NDUFB8: variants seen among roughly 807,000 people sequenced by gnomAD.
NDUFB8 encodes the protein NADH:ubiquinone oxidoreductase subunit B8, also known as NADH dehydrogenase [ubiquinone] 1 beta subcomplex subunit 8, mitochondrial.
Under a neutral mutation model 26.0 loss-of-function variants are expected in NDUFB8, and 17 were observed. That is an observed-to-expected ratio of 0.65 (90% CI 0.45 to 0.98). The LOEUF is 0.98. NDUFB8 is among the 50% of genes least tolerant of loss of function. The pLI, the probability that NDUFB8 is intolerant of heterozygous loss-of-function variation, is 0.00. For synonymous variants in NDUFB8, 89 were observed against 93.1 expected, an observed-to-expected ratio of 0.96 and a Z score of 0.25; for missense variants, 238 against 255.0, an observed-to-expected ratio of 0.93 and a Z score of 0.45.
At chr10:100,525,413 T>C (rs1375535669) in intron 4 of NDUFB8, among the ~76,000 whole-genome samples, 3 of 152,018 alleles carry the variant, frequency 2.0e-5, no homozygotes, top group African/African-American at 7.3e-5. Flanking sequence ...CGCACCACCA[T>C]GCCTGGCTAA....
At chr10:100,525,140 G>A (rs1355774884) in intron 4 of NDUFB8, among the ~76,000 whole-genome samples, 1 of 152,116 alleles carries the variant, frequency 6.6e-6, no homozygotes, top group African/African-American at 2.4e-5. Flanking sequence ...CCAAGAAGTG[G>A]GGCCTGGGAA....
At chr10:100,528,809 G>A (rs1445446302) in intron 2 of NDUFB8, among the ~76,000 whole-genome samples, 1 of 152,176 alleles carries the variant, frequency 6.6e-6, no homozygotes, top group Admixed American at 6.5e-5. Flanking sequence ...ATTAACCATT[G>A]GGATGTTATG....
At chr10:100,527,636 C>T (rs972617673) in intron 2 of NDUFB8, among the ~76,000 whole-genome samples, 1 of 151,964 alleles carries the variant, frequency 6.6e-6, no homozygotes, top group African/African-American at 2.4e-5. Flanking sequence ...ACCCAGCTTC[C>T]CCAAACTTCT....
intron 1 of NDUFB8, 35 bp downstream of exon 1, chr10:100,529,732 C>T: frequency 6.2e-7 from 1 of 1,603,870 alleles, no homozygotes; most frequent in Non-Finnish European, 8.5e-7. Flanking sequence ...CAGGTACCCC[C>T]TTCCCACACT....
intron 2 of NDUFB8, among the ~76,000 whole-genome samples, chr10:100,527,433 C>T (rs1461072777): frequency 6.6e-6 from 1 of 152,024 alleles, no homozygotes; most frequent in African/African-American, 2.4e-5. Flanking sequence ...TGAAACCCCA[C>T]CTTTACTAAA....
rs958636477 is a variant in NDUFB8 at position 100,526,860 on chromosome 10, G to A, written c.312+115C>T. 19 of 992,242 alleles carry A rather than the reference G, an allele frequency of 1.9e-5. No homozygotes were observed. In the Admixed American group the frequency reaches 2.1e-4, roughly 11 times the overall value. 61.5% of individuals were successfully genotyped at this position (992,242 alleles called of 1,614,324 possible). The stretch of plus-strand genomic sequence containing the variant: ...CTCAGATCTCACATCACTGGACCTT[G>A]CTTCCTTGAGCAGGAAAGCTTAGTG... On this transcript the variant is annotated intron_variant, in intron 3 of 4. Transcript: ENST00000299166.
chr10:100,524,078 C>G lies in NDUFB8; in HGVS notation c.469-149G>C, dbSNP rs912319450. On this transcript the variant is annotated intron_variant, in intron 4 of 4. Coordinates refer to ENST00000299166, the MANE Select transcript of NDUFB8 (RefSeq NM_005004.4). The surrounding 1 kb of genome is among the most constrained non-coding windows in gnomAD (Gnocchi z 4.0). The stretch of plus-strand genomic sequence containing the variant: ...GGCTAGGAAGGCAGGAACAGCACTC[C>G]TCTTCCTCACTCAGCCCAAGGCAGA... The G allele has an allele frequency of 7.0e-6, 11 of 1,578,484 alleles. No homozygotes were observed. Among genetic ancestry groups the G allele is most frequent in the African/African-American group, 5.4e-5 (4 of 74,110 alleles).
intron 1 of NDUFB8, 52 bp downstream of exon 1, chr10:100,529,715 C>A (rs1391496632): frequency 1.3e-6 from 2 of 1,585,418 alleles, no homozygotes; most frequent in African/African-American, 2.7e-5. Context: ...CCCGATACAC[C>A]AAATTTCAGG....
At position 100,524,103 on chromosome 10, in the gene NDUFB8, A is replaced by G. The variant is rs1200314507; in HGVS notation, c.469-174T>C. 1.3e-6 allele frequency: 2 copies of G among 1,578,534 alleles called. No individual in the cohort carries two copies. Among genetic ancestry groups the G allele is most frequent in the Non-Finnish European group, 1.7e-6 (2 of 1,162,208 alleles). On this transcript the variant is annotated intron_variant, in intron 4 of 4. Transcript: ENST00000299166. This position sits in a 1 kb window ranked among gnomAD's most constrained non-coding sequence, Gnocchi z 4.0. Reference sequence around the variant, plus strand: ...CTCTTCCTCACTCAGCCCAAGGCAGAGAGAAAGCCTAAATTGTAAGAGAAG... The same window carrying G: ...CTCTTCCTCACTCAGCCCAAGGCAGGGAGAAAGCCTAAATTGTAAGAGAAG...
chr10:100,527,658 GA>G (rs568104843), intron 2 of NDUFB8, among the ~76,000 whole-genome samples: 6 of 151,820 alleles, frequency 4.0e-5, no homozygotes, highest in Admixed American at 3.3e-4. Context: ...TCAATAAAAA[GA>G]AAAAAAGTCA....
chr10:100,527,373 T>C (rs1589746834), intron 2 of NDUFB8, among the ~76,000 whole-genome samples: 1 of 152,096 alleles, frequency 6.6e-6, no homozygotes, highest in Non-Finnish European at 1.5e-5. Context: ...GAGGCTGAGG[T>C]GGGCAGATCA....
chr10:100,528,603 A>T (rs1267310492), intron 2 of NDUFB8, among the ~76,000 whole-genome samples: 1 of 152,224 alleles, frequency 6.6e-6, no homozygotes, highest in Non-Finnish European at 1.5e-5. Context: ...TTTCCCCAAC[A>T]AATCCAGGTT....
intron 3 of NDUFB8, 131 bp from the exon 4 acceptor site, chr10:100,526,685 C>G: frequency 8.7e-7 from 1 of 1,145,334 alleles, no homozygotes; most frequent in Admixed American, 2.4e-5. Context: ...TGCTGAGAAC[C>G]AGGTCTGAGG....
Position 100,523,846 on chromosome 10 carries a change from A to G in NDUFB8, c.552T>C (p.Tyr184=), listed in dbSNP as rs372940223. The G allele has an allele frequency of 5.0e-6, 8 of 1,613,622 alleles. No individual in the cohort carries two copies. In the African/African-American group the frequency reaches 1.1e-4, roughly 22 times the overall value. ...PSKEPERVVH[Y]EI ...AGCCCACGAAGCCTCCTCAGATCTC[A>G]TAGTGAACCACCCGCTCTGGTTCTT... Residue 184 remains tyrosine, a synonymous_variant, in exon 5 of 5, where the codon TAT becomes TAC. Transcript: ENST00000299166.
intron 3 of NDUFB8, 192 bp from the exon 4 acceptor site, chr10:100,526,746 T>C (rs1852058280): frequency 2.6e-6 from 2 of 761,918 alleles, no homozygotes; most frequent in Non-Finnish European, 4.2e-6. Context: ...TTCTGCTGAA[T>C]AGGGACAGCT....
chr10:100,529,664 C>T (rs1852116756), intron 1 of NDUFB8, 103 bp downstream of exon 1: 1 of 1,543,754 alleles, frequency 6.5e-7, no homozygotes. Flanking sequence ...ACCTCCACTC[C>T]CTACCCGGAG....
At chr10:100,527,288 C>T (rs1489963314) in intron 2 of NDUFB8, among the ~76,000 whole-genome samples, 2 of 152,222 alleles carry the variant, frequency 1.3e-5, no homozygotes, top group African/African-American at 4.8e-5. Context: ...ATGGCAAACT[C>T]TGAAATATTT....
chr10:100,529,354 G>A lies in NDUFB8; in HGVS notation c.212+26C>T, dbSNP rs200313153. 1,344 of 1,565,284 alleles carry A rather than the reference G, an allele frequency of 8.6e-4. 2 individuals are homozygous for A. The highest frequency in any genetic ancestry group is 1.1e-3 in the Non-Finnish European group (1,262 of 1,159,082). On this transcript the variant is annotated intron_variant, in intron 2 of 4. Transcript: ENST00000299166. ...CCGGCCTTCTCCCATCACTACTTGG[G>A]TGCGAGCATACCCTCTCTGTCTCAC...
At chr10:100,526,664 C>G in intron 3 of NDUFB8, 110 bp from the exon 4 acceptor site, 1 of 1,325,920 alleles carries the variant, frequency 7.5e-7, no homozygotes, top group Non-Finnish European at 1.0e-6. Context: ...TTCTACTGCC[C>G]TGGGACAATA....
Sources: allele counts gnomAD v4.1 joint callset (sites outside exome capture counted in the v4.1 genomes callset), GRCh38; gene constraint gnomAD v4.1.1; non-coding constraint Gnocchi (gnomAD v3.1); transcripts MANE v1.5; gene names NCBI Gene and HGNC (gene_info 2026-07-23, HGNC 2026-07-21).